CSMD3: variants seen among roughly 807,000 people sequenced by gnomAD.
The protein encoded by CSMD3 is CUB and sushi domain-containing protein 3.
CSMD3 carries 177 observed loss-of-function variants against 435.2 expected under a neutral mutation model. The ratio of observed to expected loss-of-function variants is 0.41; its 90% CI spans 0.36 to 0.46. The LOEUF (loss-of-function observed/expected upper bound fraction) is 0.46. Ranked by LOEUF, CSMD3 falls within the 20% of genes least tolerant of loss-of-function variation. The pLI is 0.34. For missense variants in CSMD3, 4,265 were observed against 4,504.6 expected, an observed-to-expected ratio of 0.95 and a Z score of 1.52; for synonymous variants, 1,656 against 1,520.5, an observed-to-expected ratio of 1.09 and a Z score of -2.07.
At chr8:112,388,244 G>A (rs1471544746) in intron 36 of CSMD3, among the ~76,000 whole-genome samples, 1 of 152,100 alleles carries the variant, frequency 6.6e-6, no homozygotes, top group Non-Finnish European at 1.5e-5. Context: ...AATCGACAGT[G>A]TCAAAAGAGA....
rs747192998 is a variant in CSMD3, at chr8:112,800,290, CA to C, written c.1860-17del. On this transcript the variant is annotated splice_polypyrimidine_tract_variant and intron_variant, in intron 12 of 70. Coordinates refer to ENST00000297405, the MANE Select transcript of CSMD3 (RefSeq NM_198123.2). Reference sequence around the variant, plus strand: ...TCCAGTCAGCCTAAAAAGAGATGGACAAAGAAGGGAGAGATGGGTTATTAAA... The same window carrying C: ...TCCAGTCAGCCTAAAAAGAGATGGACAAGAAGGGAGAGATGGGTTATTAAA... 6.7e-7 allele frequency: 1 copy of C among 1,496,244 alleles called. No individual in the cohort carries two copies. The highest frequency in any genetic ancestry group is 9.3e-7 in the Non-Finnish European group (1 of 1,073,372). The allele number at this position is 1,496,244 out of a possible 1,614,324, so 92.7% of individuals were successfully genotyped here.
chr8:112,941,855 A>T (rs1587722953), intron 9 of CSMD3, among the ~76,000 whole-genome samples: 1 of 151,628 alleles, frequency 6.6e-6, no homozygotes, highest in East Asian at 1.9e-4. Context: ...CCCAAACACT[A>T]CCCCTCTCTC....
At chr8:113,366,529 C>T (rs2094312703) in intron 1 of CSMD3, among the ~76,000 whole-genome samples, 1 of 151,978 alleles carries the variant, frequency 6.6e-6, no homozygotes, top group Admixed American at 6.6e-5. Flanking sequence ...AAGCATGGCC[C>T]TCCATCTTCC....
intron 36 of CSMD3, among the ~76,000 whole-genome samples, chr8:112,388,669 A>G (rs1830162548): frequency 6.6e-6 from 1 of 152,212 alleles, no homozygotes; most frequent in Admixed American, 6.5e-5. Flanking sequence ...GCAGTCGGAC[A>G]TATGTTTTGC....
Position 112,943,825 on chromosome 8 carries a change from C to A in CSMD3, c.1508+3965G>T, listed in dbSNP as rs1264141910. ...GACCTTGACCTGAAACTGATCCACT[C>A]TCCTTTTAAAAGTCCCCCAATTTAT... On this transcript the variant is annotated intron_variant, in intron 9 of 70. Coordinates refer to ENST00000297405, the MANE Select transcript of CSMD3 (RefSeq NM_198123.2). 2.5e-4 allele frequency among the ~76,000 whole-genome samples: 38 copies of A among 151,658 alleles called. No homozygotes were observed. The Admixed American group carries it at 2.5e-3, about 10-fold the overall frequency.
chr8:112,393,578 C>A (rs78918773), intron 35 of CSMD3, among the ~76,000 whole-genome samples: 1,542 of 152,238 alleles, frequency 0.01, 35 homozygotes, highest in African/African-American at 0.035. Context: ...TATCAAGATT[C>A]TAACTCTTCT....
At chr8:112,919,272 C>T (rs1238726070) in intron 10 of CSMD3, among the ~76,000 whole-genome samples, 1 of 151,550 alleles carries the variant, frequency 6.6e-6, no homozygotes, top group East Asian at 1.9e-4. Flanking sequence ...TCTAAAAAGT[C>T]CAATCATACA....
chr8:113,353,838 C>T (rs1044608811), intron 1 of CSMD3, among the ~76,000 whole-genome samples: 1 of 152,046 alleles, frequency 6.6e-6, no homozygotes, highest in Non-Finnish European at 1.5e-5. Flanking sequence ...GAAAAAATCA[C>T]TGGCTGAAGT....
chr8:112,890,841 G>A (rs1010871287), intron 10 of CSMD3, among the ~76,000 whole-genome samples: 7 of 151,580 alleles, frequency 4.6e-5, no homozygotes, highest in African/African-American at 7.3e-5. Flanking sequence ...AGGTGAGAAA[G>A]TTATAGTATA....
chr8:113,125,073 A>G (rs2131651342), intron 4 of CSMD3, among the ~76,000 whole-genome samples: 1 of 152,076 alleles, frequency 6.6e-6, no homozygotes, highest in South Asian at 2.1e-4. Context: ...CTGTGTCTTA[A>G]GTTTTGAGTC....
chr8:112,370,029 A>AGAGGAAGAAGAAGAG (rs1160457546), intron 38 of CSMD3, among the ~76,000 whole-genome samples: 45 of 62,578 alleles, frequency 7.2e-4, no homozygotes, highest in Admixed American at 1.2e-3. Flanking sequence ...AAGAGGAAGA[A>AGAGGAAGAAGAAGAG]GAAGAAGAAG....
chr8:113,342,019 T>C (rs994240911), intron 1 of CSMD3, among the ~76,000 whole-genome samples: 1 of 151,544 alleles, frequency 6.6e-6, no homozygotes, highest in African/African-American at 2.4e-5. Context: ...TTTTCCATAA[T>C]AAGGAAATTA....
chr8:112,268,587 A>G lies in CSMD3; in HGVS notation c.9509-2997T>C, dbSNP rs572008374. ...ACTATTAATATACATAGACATGCAT[A>G]ACATTTTTAATGGCATATTAATCCC... On this transcript the variant is annotated intron_variant, in intron 59 of 70. Coordinates refer to ENST00000297405, the MANE Select transcript of CSMD3 (RefSeq NM_198123.2). Among the ~76,000 whole-genome samples, 6 of 152,336 alleles carry G rather than the reference A, an allele frequency of 3.9e-5. No homozygotes were observed. In the East Asian group the frequency reaches 1.2e-3, roughly 29 times the overall value.
chr8:113,397,796 C>T (rs565206133), intron 1 of CSMD3, among the ~76,000 whole-genome samples: 7 of 150,334 alleles, frequency 4.7e-5, no homozygotes, highest in African/African-American at 1.7e-4. Context: ...CCAGCCTGGA[C>T]GCGAAGGAGC....
chr8:112,887,523 A>G (rs2081641266), intron 10 of CSMD3, among the ~76,000 whole-genome samples: 1 of 151,470 alleles, frequency 6.6e-6, no homozygotes. Context: ...AGATAAAACT[A>G]TTTCTTATTA....
intron 13 of CSMD3, among the ~76,000 whole-genome samples, chr8:112,752,623 T>C (rs1449169333): frequency 6.6e-6 from 1 of 152,116 alleles, no homozygotes; most frequent in Non-Finnish European, 1.5e-5. Flanking sequence ...GTCTTAAATA[T>C]TCATTCTGAA....
At chr8:112,900,514 TG>T (rs1315110086) in intron 10 of CSMD3, among the ~76,000 whole-genome samples, 1 of 151,190 alleles carries the variant, frequency 6.6e-6, no homozygotes. Context: ...CTGTGGAAGT[TG>T]GGGGTCAAGG....
intron 13 of CSMD3, among the ~76,000 whole-genome samples, chr8:112,692,958 TATCTATCTATCTATCG>T: frequency 6.9e-6 from 1 of 145,680 alleles, no homozygotes; most frequent in South Asian, 2.2e-4. Context: ...TCTATCTATC[TATCTATCTATCTATCG>T]AGAGAAAATA....
chr8:113,185,223 G>A (rs1287108909), intron 3 of CSMD3, among the ~76,000 whole-genome samples: 2 of 151,908 alleles, frequency 1.3e-5, no homozygotes, highest in Non-Finnish European at 2.9e-5. Context: ...TTGTGTGTTT[G>A]TTTTTTCTTT....
Sources: allele counts gnomAD v4.1 joint callset (sites outside exome capture counted in the v4.1 genomes callset), GRCh38; gene constraint gnomAD v4.1.1; transcripts MANE v1.5; gene names NCBI Gene and HGNC (gene_info 2026-07-23, HGNC 2026-07-21).